Variants in ANXA2 observed in about 807,000 individuals in gnomAD.
ANXA2 encodes annexin A2, also known as annexin II.
ANXA2 carries 28 observed loss-of-function variants against 47.3 expected under a neutral mutation model. The observed-to-expected ratio is 0.59, with a 90% CI of 0.44 to 0.81. The LOEUF (loss-of-function observed/expected upper bound fraction) is 0.81. Ranked by LOEUF, ANXA2 falls within the 40% of genes least tolerant of loss-of-function variation. The pLI, the probability that ANXA2 is intolerant of heterozygous loss-of-function variation, is 0.00. For missense variants in ANXA2, 384 were observed against 414.3 expected, an observed-to-expected ratio of 0.93 and a Z score of 0.64; for synonymous variants, 172 against 155.5, an observed-to-expected ratio of 1.11 and a Z score of -0.79.
At chr15:60,375,519 C>T (rs566920776) in intron 3 of ANXA2, among the ~76,000 whole-genome samples, 4 of 152,192 alleles carry the variant, frequency 2.6e-5, no homozygotes, top group South Asian at 2.1e-4. Flanking sequence ...TACACGCCAT[C>T]GTATATATTT....
In ANXA2 at chr15:60,367,508, T is replaced by C. The variant is rs1348553420; in HGVS notation, c.149-2985A>G. On this transcript the variant is annotated intron_variant, in intron 3 of 12. Transcript: ENST00000451270. The stretch of plus-strand genomic sequence containing the variant: ...AGGGGCGCCTCTGCCCGGCCGCCCC[T>C]ACTAGGAAGTGAGGACCCCTCTGCC... 3.4e-4 allele frequency among the ~76,000 whole-genome samples: 14 copies of C among 40,732 alleles called. 4 individuals carry two copies. Among genetic ancestry groups the C allele is most frequent in the African/African-American group, 1.6e-3 (12 of 7,500 alleles). The allele number at this position is 40,732 out of a possible 152,430, so 26.7% of individuals were successfully genotyped here. A position where few individuals can be genotyped will look rare whatever the true frequency, so the allele number is the denominator to read the frequency against.
At chr15:60,381,865 C>A (rs917277620) in intron 3 of ANXA2, among the ~76,000 whole-genome samples, 2 of 152,078 alleles carry the variant, frequency 1.3e-5, no homozygotes, top group African/African-American at 4.8e-5. Context: ...AGAAGAGGGA[C>A]TGAAGCCTCA....
At chr15:60,355,538 TC>T (rs1349985394) in intron 7 of ANXA2, 3 of 336,200 alleles carry the variant, frequency 8.9e-6, no homozygotes, top group Non-Finnish European at 1.7e-5. Flanking sequence ...GGCAAATTCT[TC>T]CATGAGAAGT....
chr15:60,395,081 TC>T (rs142104033), intron 1 of ANXA2, among the ~76,000 whole-genome samples: 3,021 of 152,216 alleles, frequency 0.02, 92 homozygotes, highest in African/African-American at 0.068. Context: ...AAGCAAAACT[TC>T]CCCGAGGTAG....
chr15:60,358,853 A>C (rs1315261115), intron 5 of ANXA2, among the ~76,000 whole-genome samples: 1 of 152,252 alleles, frequency 6.6e-6, no homozygotes, highest in Non-Finnish European at 1.5e-5. Flanking sequence ...TAGAATTGCA[A>C]GACAGGCAGA....
rs1368313950 is a variant in ANXA2 at position 60,355,707 on chromosome 15, A to T, written c.528+212T>A. On this transcript the variant is annotated intron_variant, in intron 7 of 12. Coordinates refer to ENST00000451270, the MANE Select transcript of ANXA2 (RefSeq NM_004039.3). Reference sequence around the variant, plus strand: ...CCGCCCATCCCTTCTCTGGCTCCCAAAGTCCACTTGTCCATGAGGTTTTGC... The same window carrying T: ...CCGCCCATCCCTTCTCTGGCTCCCATAGTCCACTTGTCCATGAGGTTTTGC... 1.3e-5 allele frequency: 8 copies of T among 615,100 alleles called. No homozygotes were observed. The East Asian group carries it at 2.4e-4, about 18-fold the overall frequency. 38.1% of individuals were successfully genotyped at this position (615,100 alleles called of 1,614,324 possible). A position where few individuals can be genotyped will look rare whatever the true frequency, so the allele number is the denominator to read the frequency against.
chr15:60,378,937 G>C (rs2062817240), intron 3 of ANXA2, among the ~76,000 whole-genome samples: 1 of 151,996 alleles, frequency 6.6e-6, no homozygotes, highest in African/African-American at 2.4e-5. Flanking sequence ...CTGCACTCCA[G>C]CCTGGTGACA....
chr15:60,386,495 G>T, intron 1 of ANXA2: 1 of 156,754 alleles, frequency 6.4e-6, no homozygotes, highest in Non-Finnish European at 1.4e-5. Flanking sequence ...ATATTGAGAA[G>T]GACCTGAAAG....
chr15:60,373,648 G>A (rs2062739371), intron 3 of ANXA2, among the ~76,000 whole-genome samples: 1 of 152,168 alleles, frequency 6.6e-6, no homozygotes, highest in African/African-American at 2.4e-5. Context: ...ATAGTGCTTT[G>A]GAAACTCCAT....
chr15:60,372,800 C>G (rs994774758), intron 3 of ANXA2, among the ~76,000 whole-genome samples: 1 of 151,288 alleles, frequency 6.6e-6, no homozygotes, highest in African/African-American at 2.4e-5. Flanking sequence ...CCCAAATGAT[C>G]CTCCTGCCTC....
At chr15:60,391,634 T>C (rs1299634660) in intron 1 of ANXA2, among the ~76,000 whole-genome samples, 1 of 152,202 alleles carries the variant, frequency 6.6e-6, no homozygotes, top group African/African-American at 2.4e-5. Context: ...GAGGCAGAAT[T>C]TTCTTACTGA....
chr15:60,349,217 T>G lies in ANXA2; in HGVS notation c.838-20A>C. 6.2e-7 allele frequency: 1 copy of G among 1,613,306 alleles called. No individual in the cohort carries two copies. Among genetic ancestry groups the G allele is most frequent in the African/African-American group, 1.3e-5 (1 of 75,050 alleles). ...CTTGCCCTGAAAATCAAGTTGATAT[T>G]TGTTACATTCGCTGAGAATGTTATC... On this transcript the variant is annotated intron_variant, in intron 11 of 12. Transcript: ENST00000451270.
chr15:60,366,490 C>T (rs1226650653), intron 3 of ANXA2, among the ~76,000 whole-genome samples: 3 of 151,920 alleles, frequency 2.0e-5, no homozygotes, highest in East Asian at 3.9e-4. Flanking sequence ...CGCCTCTGCC[C>T]GGCCGCGACC....
chr15:60,370,069 G>A (rs757456122), intron 3 of ANXA2, among the ~76,000 whole-genome samples: 56 of 152,222 alleles, frequency 3.7e-4, no homozygotes, highest in Non-Finnish European at 5.9e-4. Context: ...GGTGGTTAAC[G>A]TGAATCTTAC....
intron 3 of ANXA2, among the ~76,000 whole-genome samples, chr15:60,371,540 G>A (rs933414840): frequency 3.9e-5 from 6 of 152,246 alleles, no homozygotes; most frequent in African/African-American, 9.6e-5. Context: ...ACCAACAGCC[G>A]TTCTGAACAG....
intron 1 of ANXA2, chr15:60,393,666 A>G: frequency 1.0e-6 from 1 of 985,456 alleles, no homozygotes; most frequent in Non-Finnish European, 1.2e-6. Context: ...TTTAGGATAC[A>G]GGAAATCATA....
At chr15:60,373,297 TTTC>T (rs1009656437) in intron 3 of ANXA2, among the ~76,000 whole-genome samples, 7 of 152,170 alleles carry the variant, frequency 4.6e-5, no homozygotes, top group African/African-American at 1.7e-4. Context: ...CAGTTGAGGT[TTTC>T]TTCAGCAGAA....
At chr15:60,385,593 A>G (rs1169385451) in intron 2 of ANXA2, 2 of 152,802 alleles carry the variant, frequency 1.3e-5, no homozygotes, top group African/African-American at 4.8e-5. Context: ...TAAATAAAAT[A>G]AAAGTATAAG....
chr15:60,375,732 A>G (rs1433388990), intron 3 of ANXA2, among the ~76,000 whole-genome samples: 1 of 152,240 alleles, frequency 6.6e-6, no homozygotes, highest in African/African-American at 2.4e-5. Context: ...CAGGCAAAAA[A>G]TACTGAGATC....
Sources: allele counts gnomAD v4.1 joint callset (sites outside exome capture counted in the v4.1 genomes callset), GRCh38; gene constraint gnomAD v4.1.1; transcripts MANE v1.5; gene names NCBI Gene and HGNC (gene_info 2026-07-23, HGNC 2026-07-21).